The following ABTB3 variants were observed in gnomAD, a reference collection of about 807,000 sequenced individuals.
ABTB3 encodes the protein ankyrin repeat- and BTB/POZ domain-containing protein 3.
At chr12:107,335,278 C>T in the ABTB3 span, among the ~76,000 whole-genome samples, 2 of 72,058 alleles carry the variant, frequency 2.8e-5, no homozygotes, top group Admixed American at 2.3e-4. Context: ...CAGATCAAGA[C>T]CTTGTCTCAA....
the ABTB3 span, among the ~76,000 whole-genome samples, chr12:107,478,674 G>A: frequency 1.3e-5 from 2 of 151,978 alleles, no homozygotes; most frequent in African/African-American, 2.4e-5. Flanking sequence ...CCTATCCTCC[G>A]CCACCCTCAT....
the ABTB3 span, among the ~76,000 whole-genome samples, chr12:107,362,451 G>A: frequency 2.6e-5 from 4 of 152,310 alleles, no homozygotes; most frequent in East Asian, 3.9e-4. Flanking sequence ...GTCCCTCCAC[G>A]TGGCAGGAAA....
At chr12:107,368,794 T>C in the ABTB3 span, among the ~76,000 whole-genome samples, 1 of 152,208 alleles carries the variant, frequency 6.6e-6, no homozygotes. Flanking sequence ...CTGTTGAGTA[T>C]AATGTGGAAT....
chr12:107,628,988 C>T, the ABTB3 span, among the ~76,000 whole-genome samples: 2 of 152,138 alleles, frequency 1.3e-5, no homozygotes, highest in East Asian at 1.9e-4. Flanking sequence ...AATCCTAGTG[C>T]TCCTTTCAGA....
the ABTB3 span, chr12:107,520,772 C>T: frequency 1.2e-4 from 136 of 1,090,118 alleles, no homozygotes; most frequent in East Asian, 3.4e-3. Flanking sequence ...TATTGACTGC[C>T]TGCTGTGTAC....
chr12:107,546,457 C>T, the ABTB3 span, among the ~76,000 whole-genome samples: 1 of 152,236 alleles, frequency 6.6e-6, no homozygotes, highest in African/African-American at 2.4e-5. Flanking sequence ...CCATCTCCAG[C>T]TGGTCAGCAG....
chr12:107,603,240 T>G, the ABTB3 span, among the ~76,000 whole-genome samples: 1 of 151,908 alleles, frequency 6.6e-6, no homozygotes, highest in Middle Eastern at 3.4e-3. Flanking sequence ...CTACAGGAAC[T>G]TTTTTTGCAG....
the ABTB3 span, among the ~76,000 whole-genome samples, chr12:107,592,588 T>G: frequency 7.9e-5 from 12 of 152,234 alleles, no homozygotes; most frequent in Admixed American, 7.9e-4. Flanking sequence ...TGTTATTACA[T>G]GGCCAACTCT....
chr12:107,474,454 T>G, the ABTB3 span, among the ~76,000 whole-genome samples: 1 of 152,188 alleles, frequency 6.6e-6, no homozygotes, highest in Non-Finnish European at 1.5e-5. Context: ...TTCCGAATGA[T>G]TAAAAGCCAT....
At chr12:107,366,611 T>G in the ABTB3 span, among the ~76,000 whole-genome samples, 3 of 152,152 alleles carry the variant, frequency 2.0e-5, no homozygotes, top group Admixed American at 6.5e-5. Context: ...ACCAAATTAG[T>G]GAAAATGCAG....
chr12:107,350,637 T>C, the ABTB3 span, among the ~76,000 whole-genome samples: 1 of 152,028 alleles, frequency 6.6e-6, no homozygotes, highest in Non-Finnish European at 1.5e-5. Flanking sequence ...AGGCACACAA[T>C]TGGTGTCTCT....
the ABTB3 span, among the ~76,000 whole-genome samples, chr12:107,626,826 C>T: frequency 1.3e-5 from 2 of 152,026 alleles, no homozygotes; most frequent in African/African-American, 4.8e-5. Flanking sequence ...AATAATTAAC[C>T]ATGAACAAAA....
At chr12:107,344,525 C>A in the ABTB3 span, among the ~76,000 whole-genome samples, 1 of 152,212 alleles carries the variant, frequency 6.6e-6, no homozygotes, top group African/African-American at 2.4e-5. Flanking sequence ...CCCAGGACAT[C>A]AGAGGTCAGG....
the ABTB3 span, among the ~76,000 whole-genome samples, chr12:107,476,808 A>C: frequency 6.6e-6 from 1 of 150,730 alleles, no homozygotes; most frequent in Non-Finnish European, 1.5e-5. Context: ...GAGGGAATGC[A>C]TGAAGTGTGT....
At chr12:107,568,893 G>T in the ABTB3 span, among the ~76,000 whole-genome samples, 1 of 152,158 alleles carries the variant, frequency 6.6e-6, no homozygotes, top group Non-Finnish European at 1.5e-5. Flanking sequence ...TGGTCCAAAC[G>T]TGCTTCTGAC....
the ABTB3 span, among the ~76,000 whole-genome samples, chr12:107,442,428 C>A: frequency 6.6e-6 from 1 of 152,088 alleles, no homozygotes; most frequent in South Asian, 2.1e-4. Context: ...AACATTTTTT[C>A]GTTTGTTTAA....
the ABTB3 span, among the ~76,000 whole-genome samples, chr12:107,460,436 C>T: frequency 1.3e-5 from 2 of 152,340 alleles, no homozygotes; most frequent in East Asian, 1.9e-4. Context: ...AGGTGGATCA[C>T]CTGAGTGCAG....
At chr12:107,351,089 G>T in the ABTB3 span, among the ~76,000 whole-genome samples, 1 of 152,162 alleles carries the variant, frequency 6.6e-6, no homozygotes, top group South Asian at 2.1e-4. Context: ...GGTCCTACAA[G>T]GTTATTAAAG....
the ABTB3 span, among the ~76,000 whole-genome samples, chr12:107,484,500 T>C: frequency 6.6e-6 from 1 of 151,736 alleles, no homozygotes; most frequent in Non-Finnish European, 1.5e-5. Context: ...GTCCCAGGGG[T>C]GAATGGGTCC....
Sources: gnomAD v4.1 joint callset for allele counts (sites outside exome capture counted in the v4.1 genomes callset) on GRCh38, gnomAD v4.1.1 for gene constraint, MANE v1.5 for transcripts, NCBI Gene and HGNC (gene_info 2026-07-23, HGNC 2026-07-21) for gene names.